The following RHAG variants were observed in gnomAD, a reference collection of about 807,000 sequenced individuals.
RHAG encodes Rh associated glycoprotein.
RHAG carries 25 observed loss-of-function variants against 42.4 expected under a neutral mutation model. The observed-to-expected ratio is 0.59, with a 90% confidence interval of 0.43 to 0.82. The LOEUF (loss-of-function observed/expected upper bound fraction) is 0.82. RHAG is among the 40% of genes least tolerant of loss of function. RHAG has a pLI of 0.00. For missense variants in RHAG, 483 were observed against 504.6 expected (o/e 0.96, Z 0.41); for synonymous variants, 182 against 177.7 (o/e 1.02, Z -0.19).
At chr6:49,609,373 A>C (rs1027621941) in intron 7 of RHAG, among the ~76,000 whole-genome samples, 4 of 152,226 alleles carry the variant, frequency 2.6e-5, no homozygotes, top group Admixed American at 6.5e-5. Flanking sequence ...TGAGAGCCAG[A>C]TAGACGTGTT....
At chr6:49,623,151 A>T (rs1762792352) in intron 1 of RHAG, among the ~76,000 whole-genome samples, 1 of 152,052 alleles carries the variant, frequency 6.6e-6, no homozygotes, top group African/African-American at 2.4e-5. Flanking sequence ...GAGACATTTT[A>T]TATTGGGGTA....
chr6:49,631,646 G>C (rs1762938414), intron 1 of RHAG, among the ~76,000 whole-genome samples: 1 of 152,152 alleles, frequency 6.6e-6, no homozygotes. Flanking sequence ...CCTGGAACCA[G>C]CAATTTCTCC....
chr6:49,615,086 T>A, intron 4 of RHAG: 1 of 493,526 alleles, frequency 2.0e-6, no homozygotes, highest in South Asian at 2.4e-5. Flanking sequence ...TAGCTGGGAT[T>A]ACAGGTGCGG....
At chr6:49,616,881 A>G (rs1762665795) in intron 3 of RHAG, among the ~76,000 whole-genome samples, 1 of 152,126 alleles carries the variant, frequency 6.6e-6, no homozygotes, top group Non-Finnish European at 1.5e-5. Flanking sequence ...GCCTTGCTTC[A>G]CCAGGTGGCT....
Position 49,605,752 on chromosome 6 carries a change from G to C in RHAG, c.*61C>G. On this transcript the variant is annotated 3_prime_UTR_variant, in exon 10 of 10. Transcript: ENST00000371175. ...GAAAGGAAGCTGGAGAGCAGGAATG[G>C]TGTTTAGACTTCAGGTTCCAGCTGG... is the stretch of plus-strand genomic sequence containing the variant. The C allele has an allele frequency of 2.8e-6, 4 of 1,437,458 alleles. No individual in the cohort carries two copies. Among genetic ancestry groups the C allele is most frequent in the Non-Finnish European group, 3.9e-6 (4 of 1,018,814 alleles). 89.0% of individuals were successfully genotyped at this position (1,437,458 alleles called of 1,614,324 possible).
At chr6:49,628,125 G>A (rs1271656115) in intron 1 of RHAG, among the ~76,000 whole-genome samples, 1 of 122,766 alleles carries the variant, frequency 8.1e-6, no homozygotes, top group South Asian at 2.9e-4. Flanking sequence ...CCAACACTTT[G>A]TGTGTGTGAG....
intron 1 of RHAG, among the ~76,000 whole-genome samples, chr6:49,627,650 A>G (rs1388818060): frequency 1.3e-5 from 2 of 152,170 alleles, no homozygotes; most frequent in Non-Finnish European, 2.9e-5. Flanking sequence ...AGACTGCGTA[A>G]TTCATAAAGG....
intron 1 of RHAG, among the ~76,000 whole-genome samples, chr6:49,627,032 C>T (rs958733198): frequency 2.6e-5 from 4 of 152,198 alleles, no homozygotes; most frequent in Non-Finnish European, 5.9e-5. Flanking sequence ...ATTTTTCCCT[C>T]TTAGGCCTCC....
At chr6:49,627,218 G>A (rs960765188) in intron 1 of RHAG, among the ~76,000 whole-genome samples, 20 of 152,154 alleles carry the variant, frequency 1.3e-4, no homozygotes, top group African/African-American at 4.3e-4. Flanking sequence ...TCATCAGGCC[G>A]AAAATTTTCT....
intron 1 of RHAG, among the ~76,000 whole-genome samples, chr6:49,630,693 A>T (rs985406364): frequency 1.3e-5 from 2 of 152,196 alleles, no homozygotes; most frequent in Non-Finnish European, 2.9e-5. Context: ...ATATTTTCAC[A>T]CTTGCTTTCT....
intron 2 of RHAG, 150 bp downstream of exon 2, chr6:49,619,029 G>A (rs550411524): frequency 1.7e-5 from 15 of 858,014 alleles, no homozygotes; most frequent in Non-Finnish European, 2.5e-5. Context: ...TCTTTCACAA[G>A]GACACTGATC....
At chr6:49,628,422 G>A (rs950932304) in intron 1 of RHAG, among the ~76,000 whole-genome samples, 1 of 152,134 alleles carries the variant, frequency 6.6e-6, no homozygotes, top group South Asian at 2.1e-4. Context: ...AGGTGTGTCC[G>A]GAATTGGTGG....
At chr6:49,615,796 T>G in intron 3 of RHAG, 25 bp from the exon 4 acceptor site, 1 of 1,612,236 alleles carries the variant, frequency 6.2e-7, no homozygotes, top group Non-Finnish European at 8.5e-7. Flanking sequence ...AGCATTCACA[T>G]AAATAGAGGT....
rs144399867 is a variant in RHAG, at chr6:49,636,302, C to A, written c.157+354G>T. ...TAGAACTCTCTCTCCTCCAAAGTTACCTTTGGCCCTTTCAGTGGGGAATGC... is the reference window on the plus strand; with the variant it reads ...TAGAACTCTCTCTCCTCCAAAGTTAACTTTGGCCCTTTCAGTGGGGAATGC... On this transcript the variant is annotated intron_variant, in intron 1 of 9. Transcript: ENST00000371175. Among the ~76,000 whole-genome samples the A allele has an allele frequency of 2.7e-3, 409 of 152,242 alleles. 4 individuals carry two copies. Among genetic ancestry groups the A allele is most frequent in the African/African-American group, 8.5e-3 (354 of 41,548 alleles).
At chr6:49,619,434 C>T (rs577615761) in intron 1 of RHAG, 72 bp from the exon 2 acceptor site, 1 of 1,357,372 alleles carries the variant, frequency 7.4e-7, no homozygotes, top group Non-Finnish European at 1.0e-6. Context: ...TAGTATACCC[C>T]ACTTATTAAG....
At chr6:49,627,128 T>G (rs7763337) in intron 1 of RHAG, among the ~76,000 whole-genome samples, 1,840 of 152,338 alleles carry the variant, frequency 0.012, 27 homozygotes, top group African/African-American at 0.041. Flanking sequence ...GAGGGAACAT[T>G]TGGCTCCTGG....
At chr6:49,630,439 T>A (rs1422831675) in intron 1 of RHAG, among the ~76,000 whole-genome samples, 1 of 152,180 alleles carries the variant, frequency 6.6e-6, no homozygotes, top group East Asian at 1.9e-4. Context: ...AATAGATTAC[T>A]GGTGAGGGCC....
Position 49,614,873 on chromosome 6 carries a change from G to C in RHAG, c.641-20C>G. On this transcript the variant is annotated intron_variant, in intron 4 of 9. Transcript: ENST00000371175. ...GAGTCCCTGTAGTGAACCAAAAGAG[G>C]GGATATTAGTTCTGAATATGGAAGA... 6.2e-7 allele frequency: 1 copy of C among 1,612,536 alleles called. No homozygotes were observed. The highest frequency in any genetic ancestry group is 8.5e-7 in the Non-Finnish European group (1 of 1,178,584).
chr6:49,613,257 A>G (rs891673090), intron 5 of RHAG, among the ~76,000 whole-genome samples: 1 of 152,054 alleles, frequency 6.6e-6, no homozygotes, highest in East Asian at 1.9e-4. Flanking sequence ...TTTAGTAGAG[A>G]TGGGGTTTCG....
Sources: gnomAD v4.1 joint callset for allele counts (sites outside exome capture counted in the v4.1 genomes callset) on GRCh38, gnomAD v4.1.1 for gene constraint, MANE v1.5 for transcripts, NCBI Gene and HGNC (gene_info 2026-07-23, HGNC 2026-07-21) for gene names.